Variants in CLNK observed in about 807,000 individuals in gnomAD.
The protein encoded by CLNK is cytokine-dependent hematopoietic cell linker.
A neutral mutation model predicts 68.6 loss-of-function variants in CLNK; 74 were observed. The observed-to-expected ratio is 1.08, with a 90% CI of 0.89 to 1.31. The LOEUF (loss-of-function observed/expected upper bound fraction) is 1.31. CLNK is among the 50% of genes most tolerant of loss of function. The pLI is 0.00. For synonymous variants in CLNK, 198 were observed against 172.2 expected (o/e 1.15, Z -1.17); for missense variants, 553 against 515.3 (o/e 1.07, Z -0.71).
intron 2 of CLNK, among the ~76,000 whole-genome samples, chr4:10,628,312 GT>G (rs367697543): frequency 6.8e-5 from 10 of 146,782 alleles, no homozygotes; most frequent in African/African-American, 1.3e-4. Flanking sequence ...AGTTAGACTT[GT>G]TTTTTTTTTT....
chr4:10,645,447 G>A (rs748344181), intron 2 of CLNK, among the ~76,000 whole-genome samples: 9 of 152,082 alleles, frequency 5.9e-5, no homozygotes, highest in African/African-American at 1.7e-4. Flanking sequence ...CTCTCCTTTC[G>A]GAGGGTAAGA....
chr4:10,561,883 T>C (rs1429819563), intron 7 of CLNK, among the ~76,000 whole-genome samples: 1 of 152,200 alleles, frequency 6.6e-6, no homozygotes, highest in Non-Finnish European at 1.5e-5. Flanking sequence ...TTTTTAAAGC[T>C]TGAGTTCAAA....
intron 3 of CLNK, among the ~76,000 whole-genome samples, chr4:10,596,214 G>A (rs570591620): frequency 1.1e-4 from 16 of 152,148 alleles, no homozygotes; most frequent in East Asian, 5.8e-4. Flanking sequence ...TAGTAGAGAC[G>A]GGGTTTCTCC....
chr4:10,585,689 C>T lies in CLNK; in HGVS notation c.84-734G>A, dbSNP rs11941102. 3.4e-3 allele frequency among the ~76,000 whole-genome samples: 523 copies of T among 152,282 alleles called. 2 individuals are homozygous for T. Among genetic ancestry groups the T allele is most frequent in the African/African-American group, 0.012 (504 of 41,566 alleles). ...TAAAAGAGCCCAGCATGGTGGCACA[C>T]ACCTGTAGTCCCAACTCCTCAGGTG... On this transcript the variant is annotated intron_variant, in intron 3 of 18. Transcript: ENST00000226951.
intron 18 of CLNK, among the ~76,000 whole-genome samples, chr4:10,494,256 G>A (rs1205161137): frequency 6.6e-6 from 1 of 152,110 alleles, no homozygotes; most frequent in East Asian, 1.9e-4. Context: ...TCACAAAAAA[G>A]GAAATCTTTC....
intron 4 of CLNK, among the ~76,000 whole-genome samples, chr4:10,575,783 G>C (rs1720539237): frequency 6.6e-6 from 1 of 152,270 alleles, no homozygotes; most frequent in African/African-American, 2.4e-5. Flanking sequence ...GAATCACAAT[G>C]ACTGTTTGGA....
intron 15 of CLNK, among the ~76,000 whole-genome samples, chr4:10,516,732 G>A (rs1717852808): frequency 6.6e-6 from 1 of 152,056 alleles, no homozygotes; most frequent in Non-Finnish European, 1.5e-5. Flanking sequence ...TTTGTGTTTA[G>A]TAGAGTCAGG....
chr4:10,651,986 A>C (rs1364916909), intron 2 of CLNK, among the ~76,000 whole-genome samples: 1 of 152,052 alleles, frequency 6.6e-6, no homozygotes, highest in Non-Finnish European at 1.5e-5. Context: ...AGATCAAAAA[A>C]AAAGAAACAA....
At position 10,644,040 on chromosome 4, in the gene CLNK, A is replaced by C. The variant is rs115735748; in HGVS notation, c.11+23819T>G. Among the ~76,000 whole-genome samples, 261 of 152,376 alleles carry C rather than the reference A, an allele frequency of 1.7e-3. 1 individual carries two copies. Among genetic ancestry groups the C allele is most frequent in the African/African-American group, 5.9e-3 (247 of 41,596 alleles). On this transcript the variant is annotated intron_variant, in intron 2 of 18. Transcript: ENST00000226951. Reference sequence around the variant, plus strand: ...GGCAACATGGGGCAAGGGGGCAAGAAGGATACCTAGTGAAGGGAGAAAGGG... The same window carrying C: ...GGCAACATGGGGCAAGGGGGCAAGACGGATACCTAGTGAAGGGAGAAAGGG...
At chr4:10,663,588 G>C (rs1400868453) in intron 2 of CLNK, among the ~76,000 whole-genome samples, 1 of 152,034 alleles carries the variant, frequency 6.6e-6, no homozygotes, top group Non-Finnish European at 1.5e-5. Flanking sequence ...TGCTTGTATT[G>C]TATGTCTGCA....
chr4:10,591,054 C>T (rs1721162153), intron 3 of CLNK, among the ~76,000 whole-genome samples: 1 of 152,080 alleles, frequency 6.6e-6, no homozygotes, highest in African/African-American at 2.4e-5. Context: ...GCGTTTGCAC[C>T]ATGGAGCTGT....
At chr4:10,512,397 A>C (rs892446773) in intron 16 of CLNK, among the ~76,000 whole-genome samples, 1 of 151,818 alleles carries the variant, frequency 6.6e-6, no homozygotes, top group Admixed American at 6.6e-5. Flanking sequence ...CGCCTGGCTA[A>C]TTTTTTTATT....
intron 5 of CLNK, among the ~76,000 whole-genome samples, chr4:10,569,285 G>T (rs1720248927): frequency 6.6e-6 from 1 of 151,700 alleles, no homozygotes; most frequent in South Asian, 2.1e-4. Context: ...TGAGGGTGGG[G>T]TTCTTATCTG....
At chr4:10,641,854 T>C (rs555230748) in intron 2 of CLNK, among the ~76,000 whole-genome samples, 14 of 152,276 alleles carry the variant, frequency 9.2e-5, no homozygotes, top group African/African-American at 2.4e-4. Flanking sequence ...ACTGTTCTCA[T>C]GGTAGTGATT....
intron 2 of CLNK, among the ~76,000 whole-genome samples, chr4:10,639,119 A>G (rs1410077445): frequency 6.6e-6 from 1 of 152,228 alleles, no homozygotes; most frequent in Admixed American, 6.5e-5. Context: ...TGGGCATTTC[A>G]GAATATTCTT....
At chr4:10,578,002 A>G (rs537684730) in intron 4 of CLNK, among the ~76,000 whole-genome samples, 2 of 152,298 alleles carry the variant, frequency 1.3e-5, no homozygotes, top group African/African-American at 4.8e-5. Context: ...ATGTGACCTC[A>G]GGCAAACCCA....
the CLNK span, among the ~76,000 whole-genome samples, chr4:10,728,711 C>T: frequency 2.6e-5 from 4 of 151,320 alleles, no homozygotes; most frequent in South Asian, 2.1e-4. Context: ...GCCTCAGCCT[C>T]CTGAATAGCA....
At chr4:10,596,555 G>A (rs1350324431) in intron 3 of CLNK, among the ~76,000 whole-genome samples, 3 of 152,104 alleles carry the variant, frequency 2.0e-5, no homozygotes, top group Non-Finnish European at 4.4e-5. Flanking sequence ...AAGGAAGATG[G>A]TAGACACAAA....
At chr4:10,617,862 A>C (rs1406223622) in intron 2 of CLNK, among the ~76,000 whole-genome samples, 1 of 152,196 alleles carries the variant, frequency 6.6e-6, no homozygotes, top group Non-Finnish European at 1.5e-5. Flanking sequence ...TTTGATTTTC[A>C]TCCTGGGCTG....
Sources: allele counts gnomAD v4.1 joint callset (sites outside exome capture counted in the v4.1 genomes callset), GRCh38; gene constraint gnomAD v4.1.1; transcripts MANE v1.5; gene names NCBI Gene and HGNC (gene_info 2026-07-23, HGNC 2026-07-21).